MESP1: variants seen among roughly 807,000 people sequenced by gnomAD.
MESP1 encodes the protein mesoderm posterior bHLH transcription factor 1, also known as mesoderm posterior protein 1.
In MESP1, 22 loss-of-function variants were observed where a neutral mutation model predicts 15.2. The ratio of observed to expected loss-of-function variants is 1.45; its 90% CI spans 1.04 to 2.07. The LOEUF is 2.07. Ranked by LOEUF, MESP1 falls within the 30% of genes most tolerant of loss-of-function variation. The pLI, the probability that MESP1 is intolerant of heterozygous loss-of-function variation, is 0.00. For missense variants in MESP1, 484 were observed against 411.9 expected, an observed-to-expected ratio of 1.17 and a Z score of -1.51; for synonymous variants, 216 against 192.6, an observed-to-expected ratio of 1.12 and a Z score of -1.01.
chr15:89,743,233 G>C, the MESP1 span: 1 of 1,577,774 alleles, frequency 6.3e-7, no homozygotes. Flanking sequence ...CTGCCCTGGG[G>C]GCTCGGGAGC....
downstream of MESP1, among the ~76,000 whole-genome samples, chr15:89,745,942 CACACCA>C: frequency 8.5e-6 from 1 of 117,836 alleles, no homozygotes; most frequent in Admixed American, 8.2e-5. The surrounding 1 kb of genome is among the most constrained non-coding windows in gnomAD (Gnocchi z 4.8). Flanking sequence ...ACAGGATCCA[CACACCA>C]ACACCTCCAC....
chr15:89,745,938 TCC>T (rs2141747507), downstream of MESP1, among the ~76,000 whole-genome samples: 1 of 96,898 alleles, frequency 1.0e-5, no homozygotes, highest in Admixed American at 9.5e-5. This position sits in a 1 kb window ranked among gnomAD's most constrained non-coding sequence, Gnocchi z 4.8. Flanking sequence ...CCCAACAGGA[TCC>T]ACACACCAAC....
At chr15:89,747,148 C>T (rs1967986665), downstream of MESP1, among the ~76,000 whole-genome samples, 1 of 148,330 alleles carries the variant, frequency 6.7e-6, no homozygotes, top group African/African-American at 2.5e-5. Flanking sequence ...ACACACACAC[C>T]CCTACCTTGC....
In MESP1 at chr15:89,751,041, G is replaced by A. The variant is rs1325325775; in HGVS notation, c.191C>T (p.Pro64Leu). The part of the protein sequence containing the change: ...SPARPGTLRD[P>L]RAPSVGRRGA... ...GCGCCTACCTACGGAGGGGGCGCGG[G>A]GGTCCCGGAGGGTGCCTGGCCGCGC... Residue 64 changes from proline to leucine, a missense_variant, in exon 1 of 2, where the codon CCC (proline) becomes CTC (leucine). Coordinates refer to ENST00000300057, the MANE Select transcript of MESP1 (RefSeq NM_018670.4). 24 of 1,339,896 alleles carry A rather than the reference G, an allele frequency of 1.8e-5. No homozygotes were observed. The highest frequency in any genetic ancestry group is 2.2e-5 in the Non-Finnish European group (23 of 1,053,356). 83.0% of individuals were successfully genotyped at this position (1,339,896 alleles called of 1,614,324 possible). A position where few individuals can be genotyped will look rare whatever the true frequency, so the allele number is the denominator to read the frequency against.
At chr15:89,733,993 ATGTGTG>A in the MESP1 span, among the ~76,000 whole-genome samples, 1 of 149,206 alleles carries the variant, frequency 6.7e-6, no homozygotes, top group Non-Finnish European at 1.5e-5. Flanking sequence ...AACCTGTATA[ATGTGTG>A]TGTGTGTGTG....
chr15:89,747,742 G>A (rs1468676130), downstream of MESP1, among the ~76,000 whole-genome samples: 4 of 152,360 alleles, frequency 2.6e-5, no homozygotes, highest in South Asian at 2.1e-4. Flanking sequence ...ACCATCTGCA[G>A]CCTTTTTCTT....
the MESP1 span, among the ~76,000 whole-genome samples, chr15:89,737,121 T>C: frequency 1.6e-4 from 25 of 152,192 alleles, no homozygotes; most frequent in African/African-American, 5.3e-4. Context: ...GGGGAGAGTT[T>C]AGTATGTTCA....
chr15:89,750,857 C>T lies in MESP1; in HGVS notation c.375G>A (p.Thr125=), dbSNP rs779808857. Residue 125 remains threonine, a synonymous_variant, in exon 1 of 2, where the codon ACG becomes ACA. Transcript: ENST00000300057. The part of the protein sequence containing the change: ...PAGQSLTKIE[T]LRLAIRYIGH... Reference sequence around the variant, plus strand: ...CGATATAGCGGATAGCCAGGCGCAGCGTCTCGATCTTGGTCAGGCTCTGGC... The same window carrying T: ...CGATATAGCGGATAGCCAGGCGCAGTGTCTCGATCTTGGTCAGGCTCTGGC... 15 of 1,530,468 alleles carry T rather than the reference C, an allele frequency of 9.8e-6. No individual in the cohort carries two copies. The highest frequency in any genetic ancestry group is 1.7e-6 in the Non-Finnish European group (2 of 1,143,754). 94.8% of individuals were successfully genotyped at this position (1,530,468 alleles called of 1,614,324 possible).
At chr15:89,733,173 G>C in the MESP1 span, 2 of 1,614,080 alleles carry the variant, frequency 1.2e-6, no homozygotes, top group Non-Finnish European at 1.7e-6. Context: ...CCATCTGGTG[G>C]AGGCTAGCGG....
Position 89,750,541 on chromosome 15 carries a change from C to A in MESP1, c.691G>T (p.Gly231Trp). 6.7e-7 allele frequency: 1 copy of A among 1,492,562 alleles called. No individual in the cohort carries two copies. Among genetic ancestry groups the A allele is most frequent in the Non-Finnish European group, 8.9e-7 (1 of 1,129,192 alleles). The allele number at this position is 1,492,562 out of a possible 1,614,324, so 92.5% of individuals were successfully genotyped here. Reference protein sequence around the residue: ...ALFAEAACPEGQAMEPSPPSP... With the variant: ...ALFAEAACPEWQAMEPSPPSP... ...GGTGGGCTTGGCTCCATCGCCTGCC[C>A]TTCAGGGCACGCCGCCTCGGCGAAC... The change falls in exon 1 of 2, where the codon GGG (glycine) becomes TGG (tryptophan). Residue 231 changes from glycine (G) to tryptophan (W), a missense_variant. Transcript: ENST00000300057.
chr15:89,736,238 C>T, the MESP1 span, among the ~76,000 whole-genome samples: 2 of 152,136 alleles, frequency 1.3e-5, no homozygotes, highest in African/African-American at 4.8e-5. Flanking sequence ...GGGAAGCGTG[C>T]GCGGTTGATC....
At position 89,750,809 on chromosome 15, in the gene MESP1, G is replaced by A. The variant is rs1485766644; in HGVS notation, c.423C>T (p.Gly141=). ...RYIGHLSAVL[G]LSEESLQRRC... ...GGCGCTGGAGACTCTCCTCGCTGAGGCCTAGCACGGCCGACAGGTGGCCGA... is the reference window on the plus strand; with the variant it reads ...GGCGCTGGAGACTCTCCTCGCTGAGACCTAGCACGGCCGACAGGTGGCCGA... Residue 141 remains glycine (G), a synonymous_variant, in exon 1 of 2, where the codon GGC becomes GGT. Transcript: ENST00000300057. The A allele has an allele frequency of 1.3e-6, 2 of 1,529,374 alleles. No homozygotes were observed. The highest frequency in any genetic ancestry group is 5.4e-5 in the East Asian group (2 of 37,282). 94.7% of individuals were successfully genotyped at this position (1,529,374 alleles called of 1,614,324 possible).
the MESP1 span, among the ~76,000 whole-genome samples, chr15:89,741,934 G>C: frequency 6.6e-6 from 1 of 152,148 alleles, no homozygotes; most frequent in Non-Finnish European, 1.5e-5. Context: ...GTATTTTTTA[G>C]TAGAGACGGG....
At chr15:89,741,409 G>T in the MESP1 span, among the ~76,000 whole-genome samples, 3 of 152,052 alleles carry the variant, frequency 2.0e-5, no homozygotes, top group East Asian at 5.9e-4. Flanking sequence ...TTTATTATCT[G>T]TGGAAGCAGG....
chr15:89,750,749 C>T lies in MESP1; in HGVS notation c.483G>A (p.Arg161=). The T allele has an allele frequency of 2.7e-6, 4 of 1,473,736 alleles. No homozygotes were observed. The highest frequency in any genetic ancestry group is 3.6e-6 in the Non-Finnish European group (4 of 1,117,078). 91.3% of individuals were successfully genotyped at this position (1,473,736 alleles called of 1,614,324 possible). A position where few individuals can be genotyped will look rare whatever the true frequency, so the allele number is the denominator to read the frequency against. Residue 161 remains arginine (R), a synonymous_variant, in exon 1 of 2, where the codon CGG becomes CGA. Coordinates refer to ENST00000300057, the MANE Select transcript of MESP1 (RefSeq NM_018670.4). The stretch of plus-strand genomic sequence containing the variant: ...AGTCGTCGGGGCACAGCGGGCAGCC[C>T]CGAGGGGACCCCGCGTCACCGCGCT... ...CRQRGDAGSP[R]GCPLCPDDCP...
chr15:89,735,499 G>A, the MESP1 span: 2 of 1,614,130 alleles, frequency 1.2e-6, no homozygotes, highest in Non-Finnish European at 1.7e-6. Flanking sequence ...GGCCTGTAAA[G>A]CACCTGGATA....
At chr15:89,749,365 A>G (rs1968035811), downstream of MESP1, 2 of 152,212 alleles carry the variant, frequency 1.3e-5, no homozygotes, top group Non-Finnish European at 1.5e-5. Flanking sequence ...GCTCCCGTGC[A>G]TGGAGAATAA....
chr15:89,744,021 C>A, the MESP1 span, among the ~76,000 whole-genome samples: 1 of 152,172 alleles, frequency 6.6e-6, no homozygotes, highest in African/African-American at 2.4e-5. Flanking sequence ...ATGCCTTGTT[C>A]TTCTCTAGAA....
chr15:89,750,534 G>A lies in MESP1; in HGVS notation c.698C>T (p.Ala233Val), dbSNP rs1419142915. The A allele has an allele frequency of 2.0e-6, 3 of 1,496,416 alleles. No individual in the cohort carries two copies. Among genetic ancestry groups the A allele is most frequent in the Middle Eastern group, 2.0e-4 (1 of 5,028 alleles). The allele number at this position is 1,496,416 out of a possible 1,614,324, so 92.7% of individuals were successfully genotyped here. The change falls in exon 1 of 2, where the codon GCG (alanine) becomes GTG (valine). Residue 233 changes from alanine to valine, a missense_variant. Physicochemically the swap from Ala to Val is moderately conservative, Grantham distance 64. Coordinates refer to ENST00000300057, the MANE Select transcript of MESP1 (RefSeq NM_018670.4). Reference protein sequence around the residue: ...FAEAACPEGQAMEPSPPSPLL... With the variant: ...FAEAACPEGQVMEPSPPSPLL... ...CGGGGACGGTGGGCTTGGCTCCATC[G>A]CCTGCCCTTCAGGGCACGCCGCCTC...
Sources: gnomAD v4.1 joint callset for allele counts (sites outside exome capture counted in the v4.1 genomes callset) on GRCh38, gnomAD v4.1.1 for gene constraint, Gnocchi (gnomAD v3.1) non-coding constraint, MANE v1.5 for transcripts, NCBI Gene and HGNC (gene_info 2026-07-23, HGNC 2026-07-21) for gene names.